Variants in NDC1 observed in about 807,000 individuals in gnomAD.
NDC1 encodes the protein NDC1 transmembrane nucleoporin, also known as nucleoporin NDC1.
NDC1 carries 24 observed loss-of-function variants against 89.8 expected under a neutral mutation model. That is an observed-to-expected ratio of 0.27 (90% CI 0.19 to 0.38). The LOEUF (loss-of-function observed/expected upper bound fraction) is 0.38, where lower values mean the gene tolerates loss of function less well. Ranked by LOEUF, NDC1 falls within the 10% of genes least tolerant of loss-of-function variation. The pLI is 1.00. For synonymous variants in NDC1, 296 were observed against 284.8 expected (o/e 1.04, Z -0.39); for missense variants, 728 against 797.6 (o/e 0.91, Z 1.05).
In NDC1 at chr1:53,789,202, A is replaced by C; in HGVS notation, c.1636-6T>G. ...TGAATGGAGGCCTCTGGGTGCTACA[A>C]ATAAAAACAAAAACATTCAAGTGAA... is the stretch of plus-strand genomic sequence containing the variant. On this transcript the variant is annotated splice_region_variant and splice_polypyrimidine_tract_variant and intron_variant, in intron 14 of 17. Transcript: ENST00000371429. 6.3e-7 allele frequency: 1 copy of C among 1,595,502 alleles called. No homozygotes were observed. Among genetic ancestry groups the C allele is most frequent in the Non-Finnish European group, 8.6e-7 (1 of 1,168,692 alleles).
intron 12 of NDC1, 29 bp from the exon 13 acceptor site, chr1:53,796,833 A>G (rs1170368645): frequency 4.4e-6 from 7 of 1,604,418 alleles, no homozygotes; most frequent in Non-Finnish European, 5.9e-6. Flanking sequence ...AGGCAAGATA[A>G]GAACTTAGGC....
At chr1:53,820,186 C>G (rs1648617175) in intron 5 of NDC1, among the ~76,000 whole-genome samples, 1 of 151,326 alleles carries the variant, frequency 6.6e-6, no homozygotes. Context: ...ACCCAGGAGG[C>G]AGAGGTTGCA....
At chr1:53,796,554 T>G (rs555168457) in intron 13 of NDC1, 135 bp downstream of exon 13, 15 of 555,236 alleles carry the variant, frequency 2.7e-5, no homozygotes. Flanking sequence ...ATATTGGCTG[T>G]TTCATTTGAG....
At chr1:53,836,568 T>C (rs1649241803) in intron 1 of NDC1, among the ~76,000 whole-genome samples, 1 of 151,806 alleles carries the variant, frequency 6.6e-6, no homozygotes, top group Admixed American at 6.6e-5. Context: ...CCATCTCAGC[T>C]CACTGCAACC....
intron 2 of NDC1, among the ~76,000 whole-genome samples, chr1:53,834,966 G>T (rs1649181815): frequency 8.1e-6 from 1 of 123,558 alleles, no homozygotes; most frequent in Admixed American, 7.6e-5. Context: ...AAATCAGCCG[G>T]GCGTGGTGGC....
Position 53,784,625 on chromosome 1 carries a change from T to C in NDC1, c.1800+2533A>G, listed in dbSNP as rs549162363. Among the ~76,000 whole-genome samples the C allele has an allele frequency of 4.6e-5, 7 of 152,254 alleles. No homozygotes were observed. In the South Asian group the frequency reaches 1.5e-3, roughly 32 times the overall value. ...GGCTAACACGGTGAAACCCCGTCTC[T>C]ACTAAAAATACAAAAATTAGCTGGG... On this transcript the variant is annotated intron_variant, in intron 16 of 17. Coordinates refer to ENST00000371429, the MANE Select transcript of NDC1 (RefSeq NM_018087.5).
intron 3 of NDC1, among the ~76,000 whole-genome samples, chr1:53,832,097 T>A (rs1053954322): frequency 6.6e-6 from 1 of 152,134 alleles, no homozygotes; most frequent in African/African-American, 2.4e-5. Flanking sequence ...TTCTGCGGCA[T>A]AAGTACACTC....
intron 6 of NDC1, among the ~76,000 whole-genome samples, chr1:53,811,939 G>A (rs1262872216): frequency 6.6e-6 from 1 of 152,162 alleles, no homozygotes; most frequent in Non-Finnish European, 1.5e-5. Flanking sequence ...AGGACTCTGT[G>A]CAGACAACCC....
intron 5 of NDC1, among the ~76,000 whole-genome samples, chr1:53,821,311 G>A (rs1165161247): frequency 6.6e-6 from 1 of 152,084 alleles, no homozygotes; most frequent in Non-Finnish European, 1.5e-5. Context: ...AGGCACGGTG[G>A]CAGGCGCCTG....
At chr1:53,777,878 A>C (rs1557564825) in intron 16 of NDC1, among the ~76,000 whole-genome samples, 1 of 151,694 alleles carries the variant, frequency 6.6e-6, no homozygotes, top group Non-Finnish European at 1.5e-5. Context: ...TCCCCACCTA[A>C]ATTTTGTTGT....
intron 16 of NDC1, among the ~76,000 whole-genome samples, chr1:53,777,800 G>C (rs1202390925): frequency 6.6e-6 from 1 of 151,938 alleles, no homozygotes; most frequent in East Asian, 1.9e-4. Context: ...ACTGAGCTTT[G>C]ACCTCCCAGG....
chr1:53,809,837 C>A, intron 6 of NDC1, 91 bp from the exon 7 acceptor site: 4 of 892,298 alleles, frequency 4.5e-6, no homozygotes, highest in East Asian at 2.5e-5. Context: ...GACATGGCCA[C>A]ACAGACACCA....
At chr1:53,805,406 A>G (rs191151878) in intron 9 of NDC1, among the ~76,000 whole-genome samples, 11 of 152,258 alleles carry the variant, frequency 7.2e-5, no homozygotes, top group East Asian at 5.8e-4. Flanking sequence ...AGGTCTCCCT[A>G]TGTTTTCCAA....
intron 10 of NDC1, among the ~76,000 whole-genome samples, chr1:53,801,580 G>A (rs979627691): frequency 1.3e-5 from 2 of 152,110 alleles, no homozygotes; most frequent in African/African-American, 4.8e-5. Context: ...TCTATCCTAT[G>A]TGCCAAATGA....
intron 10 of NDC1, among the ~76,000 whole-genome samples, chr1:53,801,483 G>C (rs1647915670): frequency 6.6e-6 from 1 of 152,090 alleles, no homozygotes; most frequent in South Asian, 2.1e-4. Flanking sequence ...TCTCATAGTA[G>C]ATCTTTGTCG....
intron 16 of NDC1, among the ~76,000 whole-genome samples, chr1:53,779,881 AGGGTCTCT>A (rs1647190149): frequency 6.6e-6 from 1 of 152,136 alleles, no homozygotes; most frequent in Non-Finnish European, 1.5e-5. Flanking sequence ...ATGTTGGTCA[AGGGTCTCT>A]GGGCCTTCAA....
intron 6 of NDC1, among the ~76,000 whole-genome samples, chr1:53,810,420 C>A (rs1369597125): frequency 1.4e-5 from 2 of 143,418 alleles, no homozygotes; most frequent in Admixed American, 6.9e-5. Context: ...AAAGAAGAAA[C>A]TGGCAAAAAA....
chr1:53,830,340 G>A (rs1265119730), intron 3 of NDC1, among the ~76,000 whole-genome samples: 2 of 151,954 alleles, frequency 1.3e-5, no homozygotes, highest in Admixed American at 1.3e-4. Context: ...TGTAATCCCA[G>A]CTACTCAGGC....
chr1:53,798,255 G>A (rs924646859), intron 11 of NDC1, among the ~76,000 whole-genome samples: 31 of 148,482 alleles, frequency 2.1e-4, no homozygotes, highest in African/African-American at 7.1e-4. Flanking sequence ...TGCAACCTCC[G>A]ACTCCCTGGT....
Sources: gnomAD v4.1 joint callset for allele counts (sites outside exome capture counted in the v4.1 genomes callset) on GRCh38, gnomAD v4.1.1 for gene constraint, MANE v1.5 for transcripts, NCBI Gene and HGNC (gene_info 2026-07-23, HGNC 2026-07-21) for gene names.